FERMT2: variants seen among roughly 807,000 people sequenced by gnomAD.
The protein encoded by FERMT2 is FERM domain containing kindlin 2, also known as fermitin family homolog 2.
A neutral mutation model predicts 82.7 loss-of-function variants in FERMT2; 15 were observed. The observed-to-expected ratio is 0.18, with a 90% CI of 0.12 to 0.28. FERMT2 has a LOEUF of 0.28. FERMT2 is among the 10% of genes least tolerant of loss of function. The pLI, the probability that FERMT2 is intolerant of heterozygous loss-of-function variation, is 1.00. For missense variants in FERMT2, 645 were observed against 809.4 expected, an observed-to-expected ratio of 0.80 and a Z score of 2.46; for synonymous variants, 274 against 271.5, an observed-to-expected ratio of 1.01 and a Z score of -0.09.
intron 3 of FERMT2, among the ~76,000 whole-genome samples, chr14:52,909,061 G>C (rs1327274245): frequency 6.6e-6 from 1 of 152,104 alleles, no homozygotes; most frequent in Non-Finnish European, 1.5e-5. Context: ...ACCCAAGGTG[G>C]GCCAGGAGGA....
chr14:52,889,803 G>T (rs1480559495), intron 4 of FERMT2, among the ~76,000 whole-genome samples: 1 of 152,112 alleles, frequency 6.6e-6, no homozygotes, highest in African/African-American at 2.4e-5. Flanking sequence ...CTGTATCTGT[G>T]TATCTAAACA....
intron 10 of FERMT2, among the ~76,000 whole-genome samples, chr14:52,872,421 C>T (rs2140091041): frequency 6.6e-6 from 1 of 152,172 alleles, no homozygotes; most frequent in South Asian, 2.1e-4. Context: ...GTAATCCCAG[C>T]TAGTGGGGAG....
chr14:52,864,639 C>T lies in FERMT2; in HGVS notation c.1381-17G>A, dbSNP rs1311057529. 4 of 1,607,090 alleles carry T rather than the reference C, an allele frequency of 2.5e-6. No homozygotes were observed. The highest frequency in any genetic ancestry group is 1.6e-4 in the Middle Eastern group (1 of 6,076). ...CTGTTTTTCCTGGAGAAAAGAAATA[C>T]TGATGTGTGCAATGTATCACGAGGT... On this transcript the variant is annotated splice_polypyrimidine_tract_variant and intron_variant, in intron 11 of 14. Coordinates refer to ENST00000341590, the MANE Select transcript of FERMT2 (RefSeq NM_006832.3).
intron 3 of FERMT2, among the ~76,000 whole-genome samples, chr14:52,909,370 G>T (rs978160374): frequency 6.6e-6 from 1 of 152,176 alleles, no homozygotes; most frequent in African/African-American, 2.4e-5. Flanking sequence ...GGAACTGAGG[G>T]ATGGAAAGAG....
At chr14:52,904,553 C>T (rs1304863250) in intron 3 of FERMT2, among the ~76,000 whole-genome samples, 1 of 151,094 alleles carries the variant, frequency 6.6e-6, no homozygotes, top group Non-Finnish European at 1.5e-5. Flanking sequence ...ATTAGCCAGG[C>T]ATGGTGGCAT....
At chr14:52,938,189 G>A (rs1595020561) in intron 2 of FERMT2, among the ~76,000 whole-genome samples, 5 of 152,094 alleles carry the variant, frequency 3.3e-5, no homozygotes, top group Admixed American at 6.5e-5. Context: ...AATTTACAAA[G>A]GCAAGAAAAT....
At chr14:52,861,297 A>C in intron 12 of FERMT2, 2 of 436,418 alleles carry the variant, frequency 4.6e-6, no homozygotes, top group Non-Finnish European at 8.0e-6. Flanking sequence ...AATGTTGCTA[A>C]AGAACCTAAG....
intron 9 of FERMT2, 151 bp downstream of exon 9, chr14:52,874,026 C>A: frequency 7.2e-6 from 3 of 414,730 alleles, no homozygotes; most frequent in East Asian, 3.6e-5. Context: ...TGGTTATTTT[C>A]TCTCGTGGTA....
intron 4 of FERMT2, among the ~76,000 whole-genome samples, chr14:52,891,710 T>G (rs900034382): frequency 1.3e-5 from 2 of 152,100 alleles, no homozygotes; most frequent in African/African-American, 4.8e-5. Context: ...ATGAACTAAA[T>G]TAGTAAGATT....
chr14:52,867,784 CT>C (rs1885375299), intron 10 of FERMT2, among the ~76,000 whole-genome samples: 1 of 152,118 alleles, frequency 6.6e-6, no homozygotes, highest in Non-Finnish European at 1.5e-5. Context: ...TTCTCATCTT[CT>C]ACATTCTTAT....
chr14:52,877,574 C>CTTTT (rs34676786), intron 7 of FERMT2, among the ~76,000 whole-genome samples: 4,929 of 66,924 alleles, frequency 0.074, 1,583 homozygotes, highest in South Asian at 0.14. Context: ...GCTGTTCTTG[C>CTTTT]TTTTTTTTTT....
At chr14:52,908,094 T>C (rs184421962) in intron 3 of FERMT2, among the ~76,000 whole-genome samples, 26 of 152,276 alleles carry the variant, frequency 1.7e-4, no homozygotes, top group Admixed American at 1.1e-3. Context: ...CATGAATAGA[T>C]GCTCAACATC....
intron 3 of FERMT2, among the ~76,000 whole-genome samples, chr14:52,897,976 C>CA (rs71125145): frequency 0.6 from 56,201 of 93,342 alleles, 17,686 homozygotes; most frequent in Middle Eastern, 0.71. Context: ...AACTCCGTCT[C>CA]AAAAAAAAAA....
chr14:52,858,351 G>A lies in FERMT2; in HGVS notation c.*26C>T. On this transcript the variant is annotated 3_prime_UTR_variant, in exon 15 of 15. Coordinates refer to ENST00000341590, the MANE Select transcript of FERMT2 (RefSeq NM_006832.3). ...TAAAGTTAAATATTGTTATGGCCGTGGAGTTTCATTAAACAGTATTCCTAT... is the reference window on the plus strand; with the variant it reads ...TAAAGTTAAATATTGTTATGGCCGTAGAGTTTCATTAAACAGTATTCCTAT... The A allele has an allele frequency of 6.3e-7, 1 of 1,581,074 alleles. No individual in the cohort carries two copies. Among genetic ancestry groups the A allele is most frequent in the South Asian group, 1.1e-5 (1 of 90,314 alleles).
intron 3 of FERMT2, among the ~76,000 whole-genome samples, chr14:52,913,202 T>C (rs941287330): frequency 6.6e-6 from 1 of 152,218 alleles, no homozygotes; most frequent in Non-Finnish European, 1.5e-5. Context: ...CCTCTGAGTA[T>C]ATCTTTAGGT....
chr14:52,890,113 G>T (rs1296625467), intron 4 of FERMT2, among the ~76,000 whole-genome samples: 2 of 146,160 alleles, frequency 1.4e-5, no homozygotes, highest in Non-Finnish European at 1.5e-5. Flanking sequence ...CAGTGAGACT[G>T]TGTCTCAAAA....
intron 3 of FERMT2, among the ~76,000 whole-genome samples, chr14:52,897,062 T>G (rs1226724415): frequency 6.8e-6 from 1 of 147,706 alleles, no homozygotes; most frequent in Non-Finnish European, 1.5e-5. Context: ...TGGTAGAAAT[T>G]TGGAAGTTAC....
intron 12 of FERMT2, chr14:52,862,467 A>C (rs1248356845): frequency 6.6e-6 from 1 of 152,280 alleles, no homozygotes; most frequent in Non-Finnish European, 1.5e-5. Flanking sequence ...CAAGAGTTTG[A>C]GACCAGTCTA....
chr14:52,897,586 A>G (rs1415647476), intron 3 of FERMT2, among the ~76,000 whole-genome samples: 7 of 152,234 alleles, frequency 4.6e-5, no homozygotes, highest in Admixed American at 1.3e-4. Flanking sequence ...ATTTTTATAT[A>G]AACATTGTCC....
Sources: gnomAD v4.1 joint callset for allele counts (sites outside exome capture counted in the v4.1 genomes callset) on GRCh38, gnomAD v4.1.1 for gene constraint, MANE v1.5 for transcripts, NCBI Gene and HGNC (gene_info 2026-07-23, HGNC 2026-07-21) for gene names.